The following ZNF846 variants were observed in gnomAD, a reference collection of about 807,000 sequenced individuals.
The protein encoded by ZNF846 is zinc finger protein 420 pseudogene.
In ZNF846, 15 loss-of-function variants were observed where a neutral mutation model predicts 16.0. That is an observed-to-expected ratio of 0.94 (90% CI 0.63 to 1.45). ZNF846 has a LOEUF of 1.45. Among genes scored for constraint, ZNF846 ranks in the 40% most tolerant of loss-of-function variants. ZNF846 has a pLI of 0.00. For missense variants in ZNF846, 714 were observed against 622.3 expected, an observed-to-expected ratio of 1.15 and a Z score of -1.57; for synonymous variants, 229 against 212.0, an observed-to-expected ratio of 1.08 and a Z score of -0.70.
intron 1 of ZNF846, among the ~76,000 whole-genome samples, chr19:9,783,972 G>A (rs1181566946): frequency 6.6e-6 from 1 of 152,066 alleles, no homozygotes; most frequent in Non-Finnish European, 1.5e-5. Context: ...CAAAGTGTTG[G>A]GACTGCAGGC....
At chr19:9,768,993 C>T (rs544130575), upstream of ZNF846, among the ~76,000 whole-genome samples, 193 of 152,312 alleles carry the variant, frequency 1.3e-3, 1 homozygote, top group Admixed American at 2.0e-3. Context: ...CGGGGACTGG[C>T]GCAGCGGGCG....
At chr19:9,761,345 G>C (rs1175392980) in intron 4 of ZNF846, among the ~76,000 whole-genome samples, 1 of 144,368 alleles carries the variant, frequency 6.9e-6, no homozygotes, top group Non-Finnish European at 1.6e-5. Context: ...CATAAAACAT[G>C]ATTAAAAAAA....
At chr19:9,752,627 A>G (rs2045094735), downstream of ZNF846, among the ~76,000 whole-genome samples, 1 of 151,528 alleles carries the variant, frequency 6.6e-6, no homozygotes, top group East Asian at 1.9e-4. Flanking sequence ...AAAAAAAAAA[A>G]AAAAAAAATT....
At chr19:9,783,218 C>CT (rs74183307) in intron 1 of ZNF846, among the ~76,000 whole-genome samples, 6,853 of 65,440 alleles carry the variant, frequency 0.1, 2,164 homozygotes, top group Non-Finnish European at 0.16. Flanking sequence ...CCCTATAATT[C>CT]TTTTTTTTTT....
At chr19:9,757,979 A>G (rs772442042) in exon 6 of ZNF846, 7 of 1,613,684 alleles carry the variant, frequency 4.3e-6, no homozygotes, top group Non-Finnish European at 5.9e-6. Flanking sequence ...CCTTACATAA[A>G]TACAGCTTCT....
intron 5 of ZNF846, 23 bp from the exon 6 acceptor site, chr19:9,758,787 TAAAG>T: frequency 6.6e-7 from 1 of 1,509,118 alleles, no homozygotes; most frequent in Non-Finnish European, 8.9e-7. Context: ...AAAAGATGAA[TAAAG>T]AATTTCTCAC....
chr19:9,772,647 A>G (rs1280773000), upstream of ZNF846, among the ~76,000 whole-genome samples: 2 of 152,128 alleles, frequency 1.3e-5, no homozygotes, highest in African/African-American at 4.8e-5. Flanking sequence ...TTGCAGAACC[A>G]TATCAATTAT....
At chr19:9,756,345 G>GTGTGTGTGTGTATATA (rs1321690890), downstream of ZNF846, 1 of 81,774 alleles carries the variant, frequency 1.2e-5, no homozygotes, top group African/African-American at 6.1e-5. Flanking sequence ...GTGTGTGTGT[G>GTGTGTGTGTGTATATA]TATATATATA....
chr19:9,763,805 G>A (rs1298963232), intron 2 of ZNF846, among the ~76,000 whole-genome samples: 1 of 152,172 alleles, frequency 6.6e-6, no homozygotes, highest in African/African-American at 2.4e-5. Flanking sequence ...GCAAAACAAT[G>A]AGCCAACAAG....
chr19:9,773,933 C>T (rs1170208892), intron 1 of ZNF846, among the ~76,000 whole-genome samples: 3 of 151,868 alleles, frequency 2.0e-5, no homozygotes, highest in African/African-American at 7.3e-5. Flanking sequence ...ATCTAAAAAC[C>T]AATGGCATTC....
chr19:9,756,345 G>GTGTGTATATATATATA (rs1321690890), downstream of ZNF846: 9 of 81,766 alleles, frequency 1.1e-4, no homozygotes, highest in South Asian at 4.7e-4. Flanking sequence ...GTGTGTGTGT[G>GTGTGTATATATATATA]TATATATATA....
At chr19:9,765,095 A>G in intron 1 of ZNF846, 60 bp from the exon 2 acceptor site, 5 of 910,616 alleles carry the variant, frequency 5.5e-6, no homozygotes, top group Admixed American at 5.4e-5. Flanking sequence ...ATTTCAGGCT[A>G]GGCATGGTGG....
intron 2 of ZNF846, among the ~76,000 whole-genome samples, chr19:9,764,427 G>C (rs1033039542): frequency 2.0e-5 from 3 of 152,134 alleles, no homozygotes; most frequent in Non-Finnish European, 4.4e-5. Flanking sequence ...TCTTGTCTCT[G>C]TATACTGTAC....
chr19:9,774,609 T>A, intron 1 of ZNF846: 1 of 1,501,132 alleles, frequency 6.7e-7, no homozygotes, highest in Non-Finnish European at 9.3e-7. Context: ...TAGCAAGGGC[T>A]TATTGTTCCT....
chr19:9,781,897 C>A (rs1211633877), intron 1 of ZNF846, among the ~76,000 whole-genome samples: 1 of 151,656 alleles, frequency 6.6e-6, no homozygotes. Context: ...CCTGTCTCAG[C>A]CTCCCAAGTA....
exon 5 of ZNF846, chr19:9,759,930 T>C: frequency 6.2e-7 from 1 of 1,612,474 alleles, no homozygotes; most frequent in Non-Finnish European, 8.5e-7. Context: ...GGTTTTGAGT[T>C]GCAAATCCAA....
exon 6 of ZNF846, chr19:9,758,390 C>T: frequency 6.2e-7 from 1 of 1,613,142 alleles, no homozygotes; most frequent in Non-Finnish European, 8.5e-7. Flanking sequence ...TCCCACATTC[C>T]TTACATACAT....
At chr19:9,768,350 G>A (rs1019466341) in exon 1 of ZNF846, 2 of 152,208 alleles carry the variant, frequency 1.3e-5, no homozygotes, top group Non-Finnish European at 2.9e-5. Context: ...TTCCACAACA[G>A]CTGAGATGCT....
At chr19:9,759,521 T>A (rs1296373048) in intron 5 of ZNF846, among the ~76,000 whole-genome samples, 1 of 151,740 alleles carries the variant, frequency 6.6e-6, no homozygotes, top group Non-Finnish European at 1.5e-5. Context: ...GAGGATCATT[T>A]GAGCCCAGGA....
Sources: gnomAD v4.1 joint callset for allele counts (sites outside exome capture counted in the v4.1 genomes callset) on GRCh38, gnomAD v4.1.1 for gene constraint, MANE v1.5 for transcripts, NCBI Gene and HGNC (gene_info 2026-07-23, HGNC 2026-07-21) for gene names.